Variants in NRCAM observed in about 807,000 individuals in gnomAD.
NRCAM encodes NgCAM-related cell adhesion molecule.
NRCAM carries 83 observed loss-of-function variants against 156.5 expected under a neutral mutation model. That is an observed-to-expected ratio of 0.53 (90% CI 0.44 to 0.64). The LOEUF is 0.64. NRCAM is among the 30% of genes least tolerant of loss of function. The pLI, the probability that NRCAM is intolerant of heterozygous loss-of-function variation, is 0.00. For missense variants in NRCAM, 1,417 were observed against 1,597.3 expected (o/e 0.89, Z 1.92); for synonymous variants, 538 against 563.9 (o/e 0.95, Z 0.65).
At chr7:108,288,066 A>G (rs1213524046) in intron 3 of NRCAM, among the ~76,000 whole-genome samples, 1 of 152,166 alleles carries the variant, frequency 6.6e-6, no homozygotes, top group Non-Finnish European at 1.5e-5. Flanking sequence ...CATAAAAAAG[A>G]ATAAAATAAT....
At chr7:108,418,560 TACACACACACACAC>T (rs59582056) in intron 1 of NRCAM, among the ~76,000 whole-genome samples, 24 of 143,730 alleles carry the variant, frequency 1.7e-4, no homozygotes, top group Non-Finnish European at 2.9e-4. Context: ...ATACATATTA[TACACACACACACAC>T]ACACACACAC....
chr7:108,214,654 TTG>T (rs1303214654), intron 11 of NRCAM, among the ~76,000 whole-genome samples: 2 of 152,268 alleles, frequency 1.3e-5, no homozygotes, highest in Middle Eastern at 3.4e-3. Context: ...GCTTTTGAAT[TTG>T]TTTCGGTTGC....
At chr7:108,213,553 TTAAAA>T (rs1263426283) in intron 11 of NRCAM, among the ~76,000 whole-genome samples, 2 of 151,904 alleles carry the variant, frequency 1.3e-5, no homozygotes, top group Non-Finnish European at 2.9e-5. Flanking sequence ...TCACATAAAC[TTAAAA>T]TAAAGGAGTG....
chr7:108,326,712 AG>A (rs1364201334), intron 2 of NRCAM, among the ~76,000 whole-genome samples: 1 of 152,184 alleles, frequency 6.6e-6, no homozygotes, highest in Non-Finnish European at 1.5e-5. Flanking sequence ...GACCTAGGGA[AG>A]GTTTACAGAT....
chr7:108,197,870 T>C lies in NRCAM; in HGVS notation c.1351+86A>G, dbSNP rs146168697. 1.2e-3 allele frequency: 1,231 copies of C among 1,011,096 alleles called. 8 individuals carry two copies. The African/African-American group carries it at 0.017, about 14-fold the overall frequency. The allele number at this position is 1,011,096 out of a possible 1,614,324, so 62.6% of individuals were successfully genotyped here. A position where few individuals can be genotyped will look rare whatever the true frequency, so the allele number is the denominator to read the frequency against. The stretch of plus-strand genomic sequence containing the variant: ...AGTACTGTGCATTGCACATAGTAGA[T>C]GCTCAATATATTTTTGCTGATTGAA... On this transcript the variant is annotated intron_variant, in intron 14 of 32. Transcript: ENST00000379028.
chr7:108,174,715 G>A (rs1451921052), intron 28 of NRCAM, among the ~76,000 whole-genome samples: 1 of 152,238 alleles, frequency 6.6e-6, no homozygotes, highest in East Asian at 1.9e-4. Flanking sequence ...TTAGGCAGTT[G>A]GGTGAAGACA....
chr7:108,269,559 T>C (rs1181610681), intron 3 of NRCAM, among the ~76,000 whole-genome samples: 1 of 152,076 alleles, frequency 6.6e-6, no homozygotes, highest in East Asian at 1.9e-4. Context: ...GGTCCAGGTG[T>C]CATAAGAAGG....
At position 108,325,066 on chromosome 7, in the gene NRCAM, G is replaced by A. The variant is rs183860020; in HGVS notation, c.-173-12335C>T. Among the ~76,000 whole-genome samples, 24 of 151,946 alleles carry A rather than the reference G, an allele frequency of 1.6e-4. 1 individual carries two copies. The East Asian group carries it at 4.1e-3, about 26-fold the overall frequency. ...ATTCCTCGTTCTCTAGAAAGGTAGCGGCAAGGGCTACTACTCAAAGGGAAG... is the reference window on the plus strand; with the variant it reads ...ATTCCTCGTTCTCTAGAAAGGTAGCAGCAAGGGCTACTACTCAAAGGGAAG... On this transcript the variant is annotated intron_variant, in intron 2 of 32. Coordinates refer to ENST00000379028, the MANE Select transcript of NRCAM (RefSeq NM_001037132.4).
At chr7:108,382,542 G>C (rs184446794) in intron 2 of NRCAM, among the ~76,000 whole-genome samples, 13 of 152,202 alleles carry the variant, frequency 8.5e-5, no homozygotes, top group Non-Finnish European at 1.8e-4. Flanking sequence ...CCAGGAGTTC[G>C]AGGCTGCAGT....
rs75521355 is a variant in NRCAM at position 108,431,031 on chromosome 7, T to C, written c.-332+25212A>G. On this transcript the variant is annotated intron_variant, in intron 1 of 32. Coordinates refer to ENST00000379028, the MANE Select transcript of NRCAM (RefSeq NM_001037132.4). ...GGATAAGTCATGCCTGTCATGTACA[T>C]GTTTGCTGAATGAATAAATAAACAA... Among the ~76,000 whole-genome samples the C allele has an allele frequency of 9.2e-3, 1,404 of 152,334 alleles. 13 individuals carry two copies. The highest frequency in any genetic ancestry group is 0.032 in the African/African-American group (1,322 of 41,572).
chr7:108,225,645 C>G lies in NRCAM; in HGVS notation c.778G>C (p.Ala260Pro). 1 of 1,574,376 alleles carries G rather than the reference C, an allele frequency of 6.4e-7. No homozygotes were observed. Among genetic ancestry groups the G allele is most frequent in the Non-Finnish European group, 8.7e-7 (1 of 1,144,198 alleles). Reference protein sequence around the residue: ...ANLSDTEFYGAKSSRERPPTF... With the variant: ...ANLSDTEFYGPKSSRERPPTF... ...ATCAGTTACAATCACCATAACTCAC[C>G]ACCATAAAACTCAGTGTCACTCAAA... The change falls in exon 10 of 33, where the codon GCT becomes CCT. Residue 260 changes from alanine to proline, a missense_variant and splice_region_variant. Around this residue, in one of 2 missense-constraint regions of NRCAM, gnomAD observed 1,238 missense variants for 1,336.4 expected, o/e 0.93. Transcript: ENST00000379028.
rs1003599906 is a variant in NRCAM, at chr7:108,338,937, T to A, written c.-173-26206A>T. On this transcript the variant is annotated intron_variant, in intron 2 of 32. Transcript: ENST00000379028. Reference sequence around the variant, plus strand: ...TGGCCCAAATGCATTCAATCTGTAGTGGCAACTGCTTTGCTAACAGAATAA... The same window carrying A: ...TGGCCCAAATGCATTCAATCTGTAGAGGCAACTGCTTTGCTAACAGAATAA... Among the ~76,000 whole-genome samples, 5 of 150,198 alleles carry A rather than the reference T, an allele frequency of 3.3e-5. No homozygotes were observed. In the East Asian group the frequency reaches 9.8e-4, roughly 29 times the overall value.
At chr7:108,308,053 T>C (rs557330462) in intron 3 of NRCAM, among the ~76,000 whole-genome samples, 2 of 152,320 alleles carry the variant, frequency 1.3e-5, no homozygotes, top group South Asian at 4.1e-4. Flanking sequence ...ACAATTAAAG[T>C]TCAATAAATG....
chr7:108,175,160 A>G (rs1430615180), intron 28 of NRCAM, among the ~76,000 whole-genome samples, 162 bp downstream of exon 28: 1 of 152,248 alleles, frequency 6.6e-6, no homozygotes, highest in Non-Finnish European at 1.5e-5. Flanking sequence ...CTACTTGTAA[A>G]GAAAGGACTA....
intron 2 of NRCAM, among the ~76,000 whole-genome samples, chr7:108,376,006 A>T (rs930796639): frequency 2.6e-5 from 4 of 152,204 alleles, no homozygotes; most frequent in African/African-American, 7.2e-5. Context: ...CCATTGTCCA[A>T]ACTCCAGTGA....
chr7:108,246,100 T>C (rs2095893036), intron 3 of NRCAM, among the ~76,000 whole-genome samples: 1 of 152,196 alleles, frequency 6.6e-6, no homozygotes, highest in South Asian at 2.1e-4. Flanking sequence ...AAAGGAAAGA[T>C]GGTTGGGGAA....
intron 2 of NRCAM, among the ~76,000 whole-genome samples, chr7:108,385,409 G>C (rs1242847964): frequency 1.3e-5 from 2 of 152,200 alleles, no homozygotes; most frequent in Non-Finnish European, 2.9e-5. Flanking sequence ...ACACAAAAAT[G>C]TGGGCTAGAA....
intron 4 of NRCAM, 37 bp downstream of exon 4, chr7:108,239,922 C>T: frequency 3.0e-6 from 4 of 1,339,464 alleles, no homozygotes; most frequent in Non-Finnish European, 4.3e-6. Context: ...GAGGCTTTGA[C>T]TCCTGGGCCT....
intron 3 of NRCAM, among the ~76,000 whole-genome samples, chr7:108,272,624 A>G (rs1434362992): frequency 6.6e-6 from 1 of 152,042 alleles, no homozygotes; most frequent in African/African-American, 2.4e-5. Flanking sequence ...ATTTATATAC[A>G]TAGCACCCTA....
Sources: gnomAD v4.1 joint callset for allele counts (sites outside exome capture counted in the v4.1 genomes callset) on GRCh38, gnomAD v4.1.1 for gene constraint, gnomAD v4.1.1 regional missense constraint, MANE v1.5 for transcripts, NCBI Gene and HGNC (gene_info 2026-07-23, HGNC 2026-07-21) for gene names.